Variants in RNGTT observed in about 807,000 individuals in gnomAD.
The protein encoded by RNGTT is RNA guanylyltransferase and 5'-phosphatase, also known as mRNA-capping enzyme.
A neutral mutation model predicts 79.3 loss-of-function variants in RNGTT; 33 were observed. The ratio of observed to expected loss-of-function variants is 0.42; its 90% CI spans 0.32 to 0.56. RNGTT has a LOEUF of 0.56. Ranked by LOEUF, RNGTT falls within the 20% of genes least tolerant of loss-of-function variation. The pLI is 0.17. For synonymous variants in RNGTT, 222 were observed against 235.9 expected, an observed-to-expected ratio of 0.94 and a Z score of 0.54; for missense variants, 497 against 739.1, an observed-to-expected ratio of 0.67 and a Z score of 3.80.
In RNGTT at chr6:88,737,501, C is replaced by G. The variant is rs989212495; in HGVS notation, c.1439+32273G>C. Among the ~76,000 whole-genome samples the G allele has an allele frequency of 2.6e-5, 4 of 152,110 alleles. No homozygotes were observed. In the East Asian group the frequency reaches 7.7e-4, roughly 29 times the overall value. Reference sequence around the variant, plus strand: ...GAGGCAGGGCTGAATGTCTGTCCCCCCTCCCCAAATTCATATGTTGAAGCC... The same window carrying G: ...GAGGCAGGGCTGAATGTCTGTCCCCGCTCCCCAAATTCATATGTTGAAGCC... On this transcript the variant is annotated intron_variant, in intron 13 of 15. Coordinates refer to ENST00000369485, the MANE Select transcript of RNGTT (RefSeq NM_003800.5).
intron 14 of RNGTT, among the ~76,000 whole-genome samples, chr6:88,656,311 A>G (rs546765086): frequency 2.6e-5 from 4 of 152,300 alleles, no homozygotes; most frequent in African/African-American, 7.2e-5. Flanking sequence ...TTTATAGTAT[A>G]AAACTACAGT....
In RNGTT at chr6:88,612,628, G is replaced by C. The variant is rs1772068045; in HGVS notation, c.*91C>G. On this transcript the variant is annotated 3_prime_UTR_variant, in exon 16 of 16. Coordinates refer to ENST00000369485, the MANE Select transcript of RNGTT (RefSeq NM_003800.5). ...AAATGTGTATCAACATCAAGCCACAGTCGTTTTTCAATTTCTCTGGCTACA... is the reference window on the plus strand; with the variant it reads ...AAATGTGTATCAACATCAAGCCACACTCGTTTTTCAATTTCTCTGGCTACA... 2.2e-6 allele frequency: 3 copies of C among 1,339,564 alleles called. 1 individual carries two copies. Among genetic ancestry groups the C allele is most frequent in the South Asian group, 2.7e-5 (2 of 73,330 alleles). 83.0% of individuals were successfully genotyped at this position (1,339,564 alleles called of 1,614,324 possible).
intron 11 of RNGTT, among the ~76,000 whole-genome samples, chr6:88,826,805 T>A (rs552746363): frequency 9.0e-4 from 99 of 109,702 alleles, no homozygotes; most frequent in African/African-American, 8.1e-4. Flanking sequence ...AAAAAATATA[T>A]ATATATATAT....
Position 88,711,057 on chromosome 6 carries a change from CTA to C in RNGTT, c.1440-32640_1440-32639del, listed in dbSNP as rs1173477786. ...ATCTAGTCTTGTTCTTAAATAATCT[CTA>C]GAGACAAATTTAATCTTTCAACATC... On this transcript the variant is annotated intron_variant, in intron 13 of 15. Coordinates refer to ENST00000369485, the MANE Select transcript of RNGTT (RefSeq NM_003800.5). Among the ~76,000 whole-genome samples, 7 of 152,186 alleles carry C rather than the reference CTA, an allele frequency of 4.6e-5. No homozygotes were observed. In the South Asian group the frequency reaches 1.5e-3, roughly 32 times the overall value.
At chr6:88,702,843 C>A (rs773060331) in intron 13 of RNGTT, among the ~76,000 whole-genome samples, 1 of 152,036 alleles carries the variant, frequency 6.6e-6, no homozygotes, top group Non-Finnish European at 1.5e-5. Flanking sequence ...GTAACTGAAA[C>A]AACTGAACAA....
chr6:88,848,170 C>T (rs771024067), intron 10 of RNGTT, among the ~76,000 whole-genome samples: 3 of 151,268 alleles, frequency 2.0e-5, no homozygotes, highest in Non-Finnish European at 4.4e-5. Context: ...TACCATTTCA[C>T]ACACATCAAA....
chr6:88,834,008 G>A (rs1167597554), intron 11 of RNGTT, among the ~76,000 whole-genome samples: 3 of 152,114 alleles, frequency 2.0e-5, no homozygotes, highest in African/African-American at 4.8e-5. Context: ...GCGACAGAGC[G>A]AGACTTCGTC....
chr6:88,849,994 C>A (rs930162449), intron 9 of RNGTT, among the ~76,000 whole-genome samples, 168 bp from the exon 10 acceptor site: 2 of 151,572 alleles, frequency 1.3e-5, no homozygotes, highest in Non-Finnish European at 3.0e-5. Flanking sequence ...AACTGTTAGC[C>A]CCCCATCCCC....
chr6:88,901,495 CTTTTTTTTTTT>C (rs71024314), intron 6 of RNGTT, among the ~76,000 whole-genome samples: 10 of 65,810 alleles, frequency 1.5e-4, no homozygotes, highest in East Asian at 7.6e-4. Flanking sequence ...GCACCCTGAT[CTTTTTTTTTTT>C]TTTTTTTTTT....
intron 2 of RNGTT, among the ~76,000 whole-genome samples, chr6:88,939,048 CTTTGACT>C (rs1212018521): frequency 2.0e-5 from 3 of 152,162 alleles, no homozygotes; most frequent in East Asian, 1.9e-4. Context: ...TGAATTTTCT[CTTTGACT>C]TTTAACAGTT....
chr6:88,940,306 T>C (rs944609612), intron 2 of RNGTT, among the ~76,000 whole-genome samples: 2 of 152,156 alleles, frequency 1.3e-5, no homozygotes, highest in African/African-American at 2.4e-5. Context: ...CTCAAACACT[T>C]ATCCTCAAGT....
chr6:88,850,378 C>T (rs1346568243), intron 9 of RNGTT, among the ~76,000 whole-genome samples: 1 of 151,682 alleles, frequency 6.6e-6, no homozygotes, highest in Non-Finnish European at 1.5e-5. Flanking sequence ...GCAAATCTAC[C>T]ATAGCCATTA....
At position 88,783,322 on chromosome 6, in the gene RNGTT, A is replaced by T. The variant is rs150455550; in HGVS notation, c.1339-13448T>A. 2.0e-3 allele frequency among the ~76,000 whole-genome samples: 312 copies of T among 152,288 alleles called. 2 individuals are homozygous for T. Among genetic ancestry groups the T allele is most frequent in the African/African-American group, 7.3e-3 (305 of 41,576 alleles). On this transcript the variant is annotated intron_variant, in intron 12 of 15. Transcript: ENST00000369485. The stretch of plus-strand genomic sequence containing the variant: ...AGAAATACTGCATGATCTCACTTAT[A>T]CATGGAATCTCAATTAGTCAAACTC...
At chr6:88,778,806 A>G (rs1778972733) in intron 12 of RNGTT, among the ~76,000 whole-genome samples, 1 of 152,208 alleles carries the variant, frequency 6.6e-6, no homozygotes, top group Non-Finnish European at 1.5e-5. Context: ...AACACCTTTT[A>G]ACTGTGCCAC....
intron 8 of RNGTT, among the ~76,000 whole-genome samples, chr6:88,887,122 GC>G (rs1782890615): frequency 6.7e-6 from 1 of 149,542 alleles, no homozygotes; most frequent in Non-Finnish European, 1.5e-5. Flanking sequence ...TCAGGCTAAT[GC>G]AAAATTCTTA....
intron 4 of RNGTT, among the ~76,000 whole-genome samples, chr6:88,919,935 C>T (rs1343845546): frequency 1.3e-5 from 2 of 151,968 alleles, no homozygotes; most frequent in Admixed American, 6.6e-5. Context: ...GTGATCCACC[C>T]GCCTCGGCCT....
At chr6:88,640,444 G>A (rs957864778) in intron 14 of RNGTT, among the ~76,000 whole-genome samples, 12 of 149,366 alleles carry the variant, frequency 8.0e-5, no homozygotes, top group Admixed American at 2.0e-4. Flanking sequence ...CCAGCTACTC[G>A]AGAGGCTAAG....
chr6:88,906,403 G>C lies in RNGTT; in HGVS notation c.405C>G (p.Phe135Leu). 1 of 1,603,960 alleles carries C rather than the reference G, an allele frequency of 6.2e-7. No homozygotes were observed. ...TCTCCACCAAAAAGGCACATATGAG[G>C]AAACCAGTGCGATTGAAGCCATGAG... ...HCTHGFNRTG[F>L]LICAFLVEKM... The change falls in exon 5 of 16, where the codon TTC (phenylalanine) becomes TTG (leucine). Residue 135 changes from phenylalanine (F) to leucine (L), a missense_variant. By Grantham distance (22) the Phe-to-Leu change is conservative (BLOSUM62 0). Transcript: ENST00000369485.
chr6:88,653,288 T>C (rs1401926517), intron 14 of RNGTT, among the ~76,000 whole-genome samples: 1 of 152,222 alleles, frequency 6.6e-6, no homozygotes, highest in Non-Finnish European at 1.5e-5. Flanking sequence ...AATTGTTTAT[T>C]CTTTGTTCAA....
Sources: gnomAD v4.1 joint callset for allele counts (sites outside exome capture counted in the v4.1 genomes callset) on GRCh38, gnomAD v4.1.1 for gene constraint, MANE v1.5 for transcripts, NCBI Gene and HGNC (gene_info 2026-07-23, HGNC 2026-07-21) for gene names.